Variants in RALYL observed in about 807,000 individuals in gnomAD.
RALYL encodes the protein RALY RNA binding protein like.
A neutral mutation model predicts 35.1 loss-of-function variants in RALYL; 29 were observed. The observed-to-expected ratio is 0.83, with a 90% confidence interval of 0.61 to 1.13. The LOEUF is 1.13. Ranked by LOEUF, RALYL falls within the 50% of genes most tolerant of loss-of-function variation. RALYL has a pLI of 0.00. For synonymous variants in RALYL, 120 were observed against 127.6 expected (o/e 0.94, Z 0.40); for missense variants, 359 against 360.4 (o/e 1.00, Z 0.03).
chr8:84,469,833 A>C (rs548600015), intron 1 of RALYL, among the ~76,000 whole-genome samples: 26 of 152,044 alleles, frequency 1.7e-4, no homozygotes, highest in African/African-American at 5.8e-4. Context: ...GCGGGATATA[A>C]TCTCGTGGTG....
At chr8:84,769,262 G>A (rs891858135) in intron 2 of RALYL, among the ~76,000 whole-genome samples, 4 of 152,052 alleles carry the variant, frequency 2.6e-5, no homozygotes, top group Non-Finnish European at 5.9e-5. Context: ...CTTATTCTAA[G>A]TCATACAAGA....
chr8:84,608,609 T>C (rs1277229702), intron 2 of RALYL, among the ~76,000 whole-genome samples: 1 of 152,182 alleles, frequency 6.6e-6, no homozygotes, highest in Admixed American at 6.5e-5. Flanking sequence ...ATTACTCCTG[T>C]TTCCTTTTCT....
At chr8:84,555,138 G>A (rs930561852) in intron 2 of RALYL, among the ~76,000 whole-genome samples, 2 of 152,108 alleles carry the variant, frequency 1.3e-5, no homozygotes, top group African/African-American at 4.8e-5. Flanking sequence ...AATTAGCCGG[G>A]CGTGGTGGCA....
intron 1 of RALYL, among the ~76,000 whole-genome samples, chr8:84,274,625 A>G (rs925829902): frequency 2.6e-5 from 4 of 152,196 alleles, no homozygotes; most frequent in African/African-American, 9.6e-5. Flanking sequence ...TGTTGCTGAC[A>G]CCATAAGAGA....
chr8:84,453,931 C>A (rs2049822511), intron 1 of RALYL, among the ~76,000 whole-genome samples: 1 of 151,796 alleles, frequency 6.6e-6, no homozygotes, highest in Non-Finnish European at 1.5e-5. Context: ...TTATTTATAC[C>A]AAATCCAGAT....
intron 1 of RALYL, among the ~76,000 whole-genome samples, chr8:84,459,136 T>C (rs901993706): frequency 1.3e-5 from 2 of 151,786 alleles, no homozygotes; most frequent in Non-Finnish European, 2.9e-5. Context: ...TTCTAGATTG[T>C]ATATGAAACT....
At chr8:84,737,857 T>C (rs867577466) in intron 2 of RALYL, among the ~76,000 whole-genome samples, 1 of 151,972 alleles carries the variant, frequency 6.6e-6, no homozygotes, top group Non-Finnish European at 1.5e-5. Flanking sequence ...CCAGGAAGCA[T>C]GCTCTTACCA....
At chr8:84,407,999 T>G (rs1251723611) in intron 1 of RALYL, among the ~76,000 whole-genome samples, 1 of 152,088 alleles carries the variant, frequency 6.6e-6, no homozygotes, top group African/African-American at 2.4e-5. Context: ...GTAACCACTA[T>G]AACATATCTC....
At chr8:84,756,402 G>T (rs955883440) in intron 2 of RALYL, among the ~76,000 whole-genome samples, 1 of 152,116 alleles carries the variant, frequency 6.6e-6, no homozygotes, top group African/African-American at 2.4e-5. Context: ...AGAACACATA[G>T]CAGCCCCCAC....
intron 1 of RALYL, among the ~76,000 whole-genome samples, chr8:84,422,333 C>T (rs865925539): frequency 0.015 from 1,817 of 120,116 alleles, 46 homozygotes; most frequent in African/African-American, 0.061. Flanking sequence ...AGTTTATTTG[C>T]GTAGAGGTGT....
At chr8:84,753,575 A>G (rs1303895962) in intron 2 of RALYL, among the ~76,000 whole-genome samples, 1 of 152,150 alleles carries the variant, frequency 6.6e-6, no homozygotes, top group Non-Finnish European at 1.5e-5. Context: ...TGCCTGGATC[A>G]TGGGGATGGC....
intron 2 of RALYL, among the ~76,000 whole-genome samples, chr8:84,768,624 G>C (rs1457403172): frequency 6.6e-6 from 1 of 152,180 alleles, no homozygotes; most frequent in Non-Finnish European, 1.5e-5. Flanking sequence ...GGCTGACTAG[G>C]AGCTATGGCT....
chr8:84,673,404 G>A (rs774585297), intron 2 of RALYL, among the ~76,000 whole-genome samples: 3 of 151,916 alleles, frequency 2.0e-5, no homozygotes, highest in Non-Finnish European at 4.4e-5. Flanking sequence ...TTTTGCTTTT[G>A]TTGCAATTGC....
intron 1 of RALYL, among the ~76,000 whole-genome samples, chr8:84,303,385 T>C (rs12675082): frequency 0.69 from 104,314 of 152,062 alleles, 37,317 homozygotes; most frequent in African/African-American, 0.89. Context: ...TTCCAGATAA[T>C]ATTTAATAGC....
At chr8:84,184,975 C>G in intron 1 of RALYL, 1 of 1,613,860 alleles carries the variant, frequency 6.2e-7, no homozygotes, top group Non-Finnish European at 8.5e-7. Context: ...CTCGCACGCT[C>G]AACTCCTGCT....
chr8:84,495,415 A>G (rs141033271), intron 1 of RALYL, among the ~76,000 whole-genome samples: 1 of 152,258 alleles, frequency 6.6e-6, no homozygotes, highest in Non-Finnish European at 1.5e-5. Flanking sequence ...GTGATGATTT[A>G]TTAAAAGCCC....
intron 2 of RALYL, among the ~76,000 whole-genome samples, chr8:84,709,674 G>A (rs1841837021): frequency 6.6e-6 from 1 of 151,732 alleles, no homozygotes; most frequent in African/African-American, 2.4e-5. Flanking sequence ...GTGAGTACAA[G>A]CAAGACCTTA....
At chr8:84,345,686 T>C (rs534551924) in intron 1 of RALYL, among the ~76,000 whole-genome samples, 8 of 152,134 alleles carry the variant, frequency 5.3e-5, no homozygotes, top group African/African-American at 1.9e-4. Flanking sequence ...CGCCCTAATA[T>C]ATAGAAACAC....
intron 4 of RALYL, among the ~76,000 whole-genome samples, 187 bp from the exon 5 acceptor site, chr8:84,849,793 G>A (rs1835448583): frequency 6.6e-6 from 1 of 152,154 alleles, no homozygotes; most frequent in South Asian, 2.1e-4. Flanking sequence ...TGTCAAACAT[G>A]TAATAATAAT....
Sources: gnomAD v4.1 joint callset for allele counts (sites outside exome capture counted in the v4.1 genomes callset) on GRCh38, gnomAD v4.1.1 for gene constraint, MANE v1.5 for transcripts, NCBI Gene and HGNC (gene_info 2026-07-23, HGNC 2026-07-21) for gene names.